Variants in CFAP100 observed in about 807,000 individuals in gnomAD.
CFAP100 encodes the protein cilia- and flagella-associated protein 100.
In CFAP100, 70 loss-of-function variants were observed where a neutral mutation model predicts 81.5. The ratio of observed to expected loss-of-function variants is 0.86; its 90% CI spans 0.71 to 1.05. The LOEUF is 1.05. CFAP100 is among the 50% of genes least tolerant of loss of function. The probability of loss-of-function intolerance (pLI) is 0.00; values close to 1 mark genes in which losing one functional copy is unlikely to be tolerated. For missense variants in CFAP100, 811 were observed against 776.5 expected (o/e 1.04, Z -0.53); for synonymous variants, 341 against 314.8 (o/e 1.08, Z -0.88).
At chr3:126,406,153 C>T (rs960690185) in intron 2 of CFAP100, among the ~76,000 whole-genome samples, 2 of 152,174 alleles carry the variant, frequency 1.3e-5, no homozygotes, top group African/African-American at 4.8e-5. Flanking sequence ...CCGCCTCTGC[C>T]TCCCCGACTA....
chr3:126,400,567 C>T (rs1299004826), intron 2 of CFAP100, among the ~76,000 whole-genome samples: 1 of 152,076 alleles, frequency 6.6e-6, no homozygotes, highest in East Asian at 1.9e-4. Context: ...TCCTGGCTAA[C>T]ATGGTGAAAC....
chr3:126,395,928 G>A lies in CFAP100; in HGVS notation c.-59-14G>A. The A allele has an allele frequency of 2.3e-6, 3 of 1,333,066 alleles. No individual in the cohort carries two copies. Among genetic ancestry groups the A allele is most frequent in the Non-Finnish European group, 3.2e-6 (3 of 927,632 alleles). The allele number at this position is 1,333,066 out of a possible 1,614,324, so 82.6% of individuals were successfully genotyped here. On this transcript the variant is annotated splice_polypyrimidine_tract_variant and intron_variant, in intron 1 of 16. Coordinates refer to ENST00000352312, the MANE Select transcript of CFAP100 (RefSeq NM_182628.3). The stretch of plus-strand genomic sequence containing the variant: ...TTGGGGACCACCAGGCTCAAGCACT[G>A]TGTCACTCCTCAGGTGAGGATCTCC...
chr3:126,413,939 C>T (rs1019882359), intron 3 of CFAP100, 146 bp from the exon 4 acceptor site: 1 of 694,976 alleles, frequency 1.4e-6, no homozygotes, highest in African/African-American at 1.8e-5. Context: ...CAGGGTTGGA[C>T]TTTAGGCACA....
intron 5 of CFAP100, chr3:126,417,968 C>G (rs1358852041): frequency 6.3e-6 from 1 of 158,496 alleles, no homozygotes; most frequent in African/African-American, 2.4e-5. Context: ...GTTGTCCAGA[C>G]GTCCACCTCG....
At chr3:126,419,307 C>T (rs889335364) in intron 8 of CFAP100, 151 bp downstream of exon 8, 18 of 627,110 alleles carry the variant, frequency 2.9e-5, no homozygotes, top group Non-Finnish European at 4.2e-5. Context: ...CATTTATAGA[C>T]GAGGGGAGTG....
At chr3:126,433,405 C>T in intron 14 of CFAP100, 2 of 587,316 alleles carry the variant, frequency 3.4e-6, no homozygotes, top group Non-Finnish European at 6.1e-6. Flanking sequence ...CCCCACGCCT[C>T]ATCCATTGCT....
chr3:126,436,139 T>C, intron 16 of CFAP100, 152 bp from the exon 17 acceptor site: 2 of 603,546 alleles, frequency 3.3e-6, no homozygotes, highest in Non-Finnish European at 6.0e-6. Context: ...CCCAGTTATT[T>C]CAGAGTTAAC....
At chr3:126,425,648 T>C (rs9825003) in intron 13 of CFAP100, among the ~76,000 whole-genome samples, 3,673 of 152,276 alleles carry the variant, frequency 0.024, 132 homozygotes, top group African/African-American at 0.08. Context: ...ATCCTCAACA[T>C]AGATGCAAAA....
intron 15 of CFAP100, 64 bp downstream of exon 15, chr3:126,434,445 T>C (rs1291663350): frequency 1.3e-6 from 2 of 1,505,086 alleles, no homozygotes; most frequent in African/African-American, 1.4e-5. Context: ...AGAGGGCACA[T>C]ACAGGCCCCA....
intron 14 of CFAP100, chr3:126,433,658 A>G (rs1388358969): frequency 5.0e-6 from 1 of 198,242 alleles, no homozygotes; most frequent in Non-Finnish European, 1.0e-5. Flanking sequence ...CCTACTGTCA[A>G]GTGCCTGCTG....
In CFAP100 at chr3:126,435,645, A is replaced by G; in HGVS notation, c.1715A>G (p.Lys572Arg). The G allele has an allele frequency of 6.2e-7, 1 of 1,610,352 alleles. No individual in the cohort carries two copies. The highest frequency in any genetic ancestry group is 8.5e-7 in the Non-Finnish European group (1 of 1,177,396). Residue 572 changes from lysine (K) to arginine (R), a missense_variant, in exon 16 of 17, where the codon AAG becomes AGG. By Grantham distance (26) the Lys-to-Arg change is conservative. Transcript: ENST00000352312. ...CGGGCGCGCGCCCAGGCTGAGATCAAGAAGAAGGTAGGCAGGGTCGCCTTG... is the reference window on the plus strand; with the variant it reads ...CGGGCGCGCGCCCAGGCTGAGATCAGGAAGAAGGTAGGCAGGGTCGCCTTG... ...RARARAQAEI[K>R]KKRGRTLVCR...
At chr3:126,433,004 A>T in intron 13 of CFAP100, 65 bp from the exon 14 acceptor site, 2 of 1,589,190 alleles carry the variant, frequency 1.3e-6, no homozygotes, top group Non-Finnish European at 8.6e-7. Context: ...AGACAGGCTC[A>T]GAGAAGCGAT....
At chr3:126,403,780 C>T (rs1281589781) in intron 2 of CFAP100, among the ~76,000 whole-genome samples, 1 of 152,182 alleles carries the variant, frequency 6.6e-6, no homozygotes, top group African/African-American at 2.4e-5. Context: ...TTAATAAAGA[C>T]TTTTTAAGTT....
intron 2 of CFAP100, among the ~76,000 whole-genome samples, chr3:126,400,621 G>A (rs553828392): frequency 2.2e-4 from 34 of 152,210 alleles, no homozygotes; most frequent in Middle Eastern, 3.4e-3. Context: ...GCATGGTGGC[G>A]GGCACCTGTA....
chr3:126,426,134 G>T (rs887330685), intron 13 of CFAP100, among the ~76,000 whole-genome samples: 2 of 152,222 alleles, frequency 1.3e-5, no homozygotes, highest in Admixed American at 6.5e-5. Flanking sequence ...CAGATGACAT[G>T]AATGTCTATG....
chr3:126,398,470 G>C (rs186029922), intron 2 of CFAP100, among the ~76,000 whole-genome samples: 2 of 152,222 alleles, frequency 1.3e-5, no homozygotes, highest in Non-Finnish European at 2.9e-5. Context: ...TGAAGGAGCC[G>C]TGTGCATGCG....
intron 2 of CFAP100, among the ~76,000 whole-genome samples, chr3:126,399,701 G>A (rs574248005): frequency 4.6e-5 from 7 of 152,302 alleles, no homozygotes; most frequent in South Asian, 4.1e-4. Flanking sequence ...TTGTGCTGGC[G>A]TGAATTATCA....
chr3:126,401,876 C>T (rs901261290), intron 2 of CFAP100, among the ~76,000 whole-genome samples: 3 of 152,150 alleles, frequency 2.0e-5, no homozygotes, highest in African/African-American at 4.8e-5. Flanking sequence ...CCATGCTGGC[C>T]CCAGTGGCTC....
At chr3:126,420,325 GAA>G in intron 11 of CFAP100, 96 bp downstream of exon 11, 1 of 1,507,128 alleles carries the variant, frequency 6.6e-7, no homozygotes, top group Non-Finnish European at 8.9e-7. Flanking sequence ...CCACAGAAAA[GAA>G]AGTGTGTTAC....
Sources: allele counts gnomAD v4.1 joint callset (sites outside exome capture counted in the v4.1 genomes callset), GRCh38; gene constraint gnomAD v4.1.1; transcripts MANE v1.5; gene names NCBI Gene and HGNC (gene_info 2026-07-23, HGNC 2026-07-21).